Variants in RELN observed in about 807,000 individuals in gnomAD.
RELN encodes reelin.
In RELN, 108 loss-of-function variants were observed where a neutral mutation model predicts 427.6. The observed-to-expected ratio is 0.25, with a 90% confidence interval of 0.22 to 0.30. The LOEUF (loss-of-function observed/expected upper bound fraction) is 0.30. Among genes scored for constraint, RELN ranks in the 10% least tolerant of loss-of-function variants. RELN has a pLI of 1.00. For missense variants in RELN, 3,715 were observed against 4,302.8 expected (o/e 0.86, Z 3.82); for synonymous variants, 1,524 against 1,513.4 (o/e 1.01, Z -0.16).
intron 27 of RELN, among the ~76,000 whole-genome samples, chr7:103,591,158 T>C (rs1267532544): frequency 6.6e-6 from 1 of 152,260 alleles, no homozygotes; most frequent in Non-Finnish European, 1.5e-5. Flanking sequence ...CATGTTCATT[T>C]AATTACCTGC....
chr7:103,882,031 T>G (rs1794619473), intron 2 of RELN, among the ~76,000 whole-genome samples: 1 of 152,204 alleles, frequency 6.6e-6, no homozygotes, highest in Non-Finnish European at 1.5e-5. Flanking sequence ...AACCAATGAA[T>G]GAGCGAGTCC....
intron 11 of RELN, among the ~76,000 whole-genome samples, chr7:103,665,892 AATCTTT>A (rs1469037166): frequency 1.5e-5 from 2 of 134,674 alleles, no homozygotes; most frequent in African/African-American, 5.8e-5. Context: ...CTCTCTCATT[AATCTTT>A]ATTTCTTTTT....
chr7:103,976,430 C>T (rs7787675), intron 1 of RELN, among the ~76,000 whole-genome samples: 106,657 of 152,126 alleles, frequency 0.7, 37,944 homozygotes, highest in African/African-American at 0.82. Context: ...TAGGAGCCTA[C>T]TGTAATATCC....
intron 52 of RELN, among the ~76,000 whole-genome samples, chr7:103,502,351 T>C (rs1829060701): frequency 6.6e-6 from 1 of 152,252 alleles, no homozygotes; most frequent in South Asian, 2.1e-4. Context: ...CAAGATTTGT[T>C]TAGTCAGACT....
chr7:103,502,977 G>A (rs1278177972), intron 52 of RELN, 39 bp downstream of exon 52: 1 of 1,541,628 alleles, frequency 6.5e-7, no homozygotes, highest in Non-Finnish European at 9.0e-7. Context: ...GTACCTTCTG[G>A]ATGCTTGGAA....
Position 103,989,453 on chromosome 7 carries a change from GAGA to G in RELN, c.-100_-98del, listed in dbSNP as rs886061866. The G allele has an allele frequency of 2.9e-5, 32 of 1,096,222 alleles. No homozygotes were observed. In the South Asian group the frequency reaches 6.9e-4, roughly 24 times the overall value. 67.9% of individuals were successfully genotyped at this position (1,096,222 alleles called of 1,614,324 possible). On this transcript the variant is annotated 5_prime_UTR_variant, in exon 1 of 65. Transcript: ENST00000428762. This position sits in a 1 kb window ranked among gnomAD's most constrained non-coding sequence, Gnocchi z 4.9. ...CGGAGGAGCCACGCGGAGAGAAGGCGAGAAGAAGGCGGACGGGAGCGGAACGGG... is the reference window on the plus strand; with the variant it reads ...CGGAGGAGCCACGCGGAGAGAAGGCGAGAAGGCGGACGGGAGCGGAACGGG...
At chr7:103,627,571 G>C (rs1239774875) in intron 20 of RELN, among the ~76,000 whole-genome samples, 4 of 150,724 alleles carry the variant, frequency 2.7e-5, no homozygotes, top group Non-Finnish European at 4.5e-5. Flanking sequence ...TTATTAAAGT[G>C]GTTAATGTGT....
intron 3 of RELN, among the ~76,000 whole-genome samples, chr7:103,797,236 G>C (rs1438937627): frequency 1.8e-4 from 28 of 152,072 alleles, no homozygotes; most frequent in African/African-American, 6.8e-4. Context: ...CCGAGTAGCT[G>C]GGATTACAGG....
chr7:103,855,260 G>A (rs150724313), intron 2 of RELN, among the ~76,000 whole-genome samples: 87 of 152,302 alleles, frequency 5.7e-4, no homozygotes, highest in African/African-American at 1.9e-3. Context: ...TGATGTGGCC[G>A]AAATACAGTG....
Position 103,835,557 on chromosome 7 carries a change from G to A in RELN, c.338-1885C>T, listed in dbSNP as rs566808524. On this transcript the variant is annotated intron_variant, in intron 2 of 64. Transcript: ENST00000428762. ...TTTATTGTGTGTAGGGATAGTGGGT[G>A]TATGGCAACTCTGTGCTTTTTATTC... 1.2e-4 allele frequency among the ~76,000 whole-genome samples: 19 copies of A among 152,264 alleles called. 1 individual carries two copies. Among genetic ancestry groups the A allele is most frequent in the African/African-American group, 3.9e-4 (16 of 41,558 alleles).
chr7:103,537,345 C>T (rs760602971), intron 45 of RELN, among the ~76,000 whole-genome samples: 25 of 152,086 alleles, frequency 1.6e-4, no homozygotes, highest in Non-Finnish European at 3.5e-4. Context: ...CTTCTGTACC[C>T]ACCTTCATTG....
chr7:103,785,104 C>T (rs1043165774), intron 3 of RELN, among the ~76,000 whole-genome samples: 1 of 152,090 alleles, frequency 6.6e-6, no homozygotes, highest in Admixed American at 6.6e-5. Flanking sequence ...GATGTATTTG[C>T]TTTATTATTA....
At chr7:103,650,179 T>C in intron 16 of RELN, 95 bp downstream of exon 16, 11 of 819,454 alleles carry the variant, frequency 1.3e-5, no homozygotes, top group Non-Finnish European at 2.4e-5. Flanking sequence ...TGCAAGACCA[T>C]GACTTAGAAA....
intron 1 of RELN, among the ~76,000 whole-genome samples, chr7:103,951,151 T>C (rs1796323182): frequency 6.6e-6 from 1 of 152,078 alleles, no homozygotes; most frequent in Admixed American, 6.6e-5. Flanking sequence ...AATGAGTGGG[T>C]CCCCCAGTCC....
At chr7:103,855,609 T>C (rs1464731163) in intron 2 of RELN, among the ~76,000 whole-genome samples, 1 of 152,190 alleles carries the variant, frequency 6.6e-6, no homozygotes, top group Non-Finnish European at 1.5e-5. Flanking sequence ...TGTAACAACT[T>C]ATTATAAAGT....
chr7:103,654,277 T>A, intron 12 of RELN, 72 bp from the exon 13 acceptor site: 2 of 827,966 alleles, frequency 2.4e-6, no homozygotes, highest in Non-Finnish European at 4.2e-6. Context: ...TAGTGTTAAA[T>A]TTCAGAATGA....
chr7:103,575,836 T>C (rs1830986999), intron 28 of RELN, 131 bp from the exon 29 acceptor site: 1 of 984,910 alleles, frequency 1.0e-6, no homozygotes. Flanking sequence ...TTGACTGCAC[T>C]TAACCTTCAT....
chr7:103,475,588 A>T (rs1200986877), intron 64 of RELN, among the ~76,000 whole-genome samples: 1 of 152,224 alleles, frequency 6.6e-6, no homozygotes, highest in Non-Finnish European at 1.5e-5. Flanking sequence ...AAGTTAGAAC[A>T]CTCAAGATAT....
At chr7:103,848,321 G>A (rs1793730864) in intron 2 of RELN, among the ~76,000 whole-genome samples, 2 of 152,184 alleles carry the variant, frequency 1.3e-5, no homozygotes, top group African/African-American at 2.4e-5. Context: ...TTGAAGCCCT[G>A]GGTACAGCTA....
Sources: gnomAD v4.1 joint callset for allele counts (sites outside exome capture counted in the v4.1 genomes callset) on GRCh38, gnomAD v4.1.1 for gene constraint, Gnocchi (gnomAD v3.1) non-coding constraint, MANE v1.5 for transcripts, NCBI Gene and HGNC (gene_info 2026-07-23, HGNC 2026-07-21) for gene names.